Variants in ANKS1B observed in about 807,000 individuals in gnomAD.
The protein encoded by ANKS1B is ankyrin repeat and sterile alpha motif domain-containing protein 1B.
ANKS1B carries 36 observed loss-of-function variants against 148.3 expected under a neutral mutation model. That is an observed-to-expected ratio of 0.24 (90% CI 0.19 to 0.32). ANKS1B has a LOEUF of 0.32. Ranked by LOEUF, ANKS1B falls within the 10% of genes least tolerant of loss-of-function variation. The pLI, the probability that ANKS1B is intolerant of heterozygous loss-of-function variation, is 1.00. For synonymous variants in ANKS1B, 542 were observed against 560.8 expected (o/e 0.97, Z 0.47); for missense variants, 1,157 against 1,542.6 (o/e 0.75, Z 4.19).
At chr12:99,035,623 T>C (rs1379554762) in intron 17 of ANKS1B, among the ~76,000 whole-genome samples, 3 of 152,112 alleles carry the variant, frequency 2.0e-5, no homozygotes, top group East Asian at 3.9e-4. Context: ...TGAATGTGAA[T>C]TGATTTTTCA....
intron 1 of ANKS1B, among the ~76,000 whole-genome samples, chr12:99,881,279 T>C (rs1423509684): frequency 6.6e-6 from 1 of 152,212 alleles, no homozygotes; most frequent in Non-Finnish European, 1.5e-5. Flanking sequence ...TCATTATTAC[T>C]TATGTTTTCT....
chr12:99,036,136 A>AGCG (rs200241353), intron 17 of ANKS1B, among the ~76,000 whole-genome samples: 2,177 of 152,282 alleles, frequency 0.014, 46 homozygotes, highest in African/African-American at 0.05. Context: ...CAGGAGATAC[A>AGCG]TGAGCGACTG....
chr12:99,070,547 C>T lies in ANKS1B; in HGVS notation c.2625+14378G>A, dbSNP rs768721901. Among the ~76,000 whole-genome samples, 20 of 152,188 alleles carry T rather than the reference C, an allele frequency of 1.3e-4. No individual in the cohort carries two copies. The South Asian group carries it at 2.3e-3, about 17-fold the overall frequency. ...TGTAATAACCAGAGGATGGTTATTA[C>T]GAATGAGAAAAAATAGCATCTCTAT... On this transcript the variant is annotated intron_variant, in intron 16 of 26. Transcript: ENST00000683438.
chr12:99,480,188 G>T (rs952570910), intron 10 of ANKS1B, among the ~76,000 whole-genome samples: 1 of 151,538 alleles, frequency 6.6e-6, no homozygotes, highest in Admixed American at 6.6e-5. Context: ...TAATTATATT[G>T]ATTTGTTTTA....
At chr12:99,944,409 C>T (rs570622905) in intron 1 of ANKS1B, among the ~76,000 whole-genome samples, 3 of 152,200 alleles carry the variant, frequency 2.0e-5, no homozygotes, top group Non-Finnish European at 4.4e-5. Flanking sequence ...CCGTCAGATG[C>T]TGCTCCTCAG....
intron 17 of ANKS1B, among the ~76,000 whole-genome samples, chr12:98,980,442 G>A (rs2099908005): frequency 6.6e-6 from 1 of 152,288 alleles, no homozygotes; most frequent in East Asian, 1.9e-4. Context: ...TCCTGACCTC[G>A]TGATCTGCCC....
At chr12:99,421,420 C>T (rs138000468) in intron 11 of ANKS1B, among the ~76,000 whole-genome samples, 12 of 152,194 alleles carry the variant, frequency 7.9e-5, no homozygotes, top group African/African-American at 2.2e-4. Flanking sequence ...CTTCCGGGGG[C>T]GTCTCTGATG....
chr12:99,483,822 A>G (rs2096449772), intron 10 of ANKS1B, among the ~76,000 whole-genome samples: 1 of 151,830 alleles, frequency 6.6e-6, no homozygotes. Flanking sequence ...GATCTTTTGT[A>G]TTTTTGTGGT....
chr12:99,468,753 C>T (rs1448459965), intron 10 of ANKS1B, among the ~76,000 whole-genome samples: 9 of 152,114 alleles, frequency 5.9e-5, no homozygotes, highest in Non-Finnish European at 1.2e-4. Flanking sequence ...CCATCTCACA[C>T]CAGTTAGAAT....
chr12:99,593,633 AAAG>A (rs1194541901), intron 9 of ANKS1B, among the ~76,000 whole-genome samples: 2 of 152,162 alleles, frequency 1.3e-5, no homozygotes, highest in Non-Finnish European at 2.9e-5. Flanking sequence ...TCGAAGCGAT[AAAG>A]AAGGAATTAT....
At chr12:99,648,685 T>C in intron 9 of ANKS1B, 1 of 1,614,168 alleles carries the variant, frequency 6.2e-7, no homozygotes, top group Non-Finnish European at 8.5e-7. Flanking sequence ...AAACCTTGTT[T>C]ACATCCTGAG....
intron 12 of ANKS1B, among the ~76,000 whole-genome samples, chr12:99,397,631 T>C (rs2094289328): frequency 6.6e-6 from 1 of 152,198 alleles, no homozygotes; most frequent in Non-Finnish European, 1.5e-5. Context: ...TTTGTCATTA[T>C]GGGCTGTTAT....
At chr12:99,414,580 A>T (rs2094831839) in intron 11 of ANKS1B, among the ~76,000 whole-genome samples, 1 of 152,190 alleles carries the variant, frequency 6.6e-6, no homozygotes, top group South Asian at 2.1e-4. Context: ...CTAACACAGG[A>T]ACAGAAAACC....
chr12:99,807,526 A>G (rs1326113933), intron 3 of ANKS1B, among the ~76,000 whole-genome samples: 1 of 152,152 alleles, frequency 6.6e-6, no homozygotes, highest in African/African-American at 2.4e-5. Flanking sequence ...AATGAACAAG[A>G]AATTTTAGTA....
intron 16 of ANKS1B, among the ~76,000 whole-genome samples, chr12:99,079,166 A>C (rs1010685058): frequency 1.3e-5 from 2 of 152,160 alleles, no homozygotes; most frequent in African/African-American, 4.8e-5. Context: ...GAGACAGAGG[A>C]CCCAATCAAC....
intron 3 of ANKS1B, among the ~76,000 whole-genome samples, chr12:99,808,859 G>A (rs977648395): frequency 9.9e-5 from 15 of 152,064 alleles, no homozygotes; most frequent in African/African-American, 3.4e-4. Context: ...GAAATTACAA[G>A]AGCAAAATCG....
chr12:99,682,799 C>T lies in ANKS1B; in HGVS notation c.1129-27589G>A, dbSNP rs534896401. ...TATTGAAACAACAACAACAAAAATA[C>T]AAAAGATAAATGACATGAAAAGCTG... is the stretch of plus-strand genomic sequence containing the variant. On this transcript the variant is annotated intron_variant, in intron 8 of 26. Coordinates refer to ENST00000683438, the MANE Select transcript of ANKS1B (RefSeq NM_001352186.2). 8.6e-5 allele frequency among the ~76,000 whole-genome samples: 13 copies of T among 151,936 alleles called. No individual in the cohort carries two copies. In the South Asian group the frequency reaches 2.7e-3, roughly 32 times the overall value.
At chr12:99,615,564 C>A (rs1345104675) in intron 9 of ANKS1B, among the ~76,000 whole-genome samples, 4 of 152,062 alleles carry the variant, frequency 2.6e-5, no homozygotes, top group Non-Finnish European at 1.5e-5. Flanking sequence ...TCAATAGATG[C>A]AGAAAAGGAC....
intron 25 of ANKS1B, among the ~76,000 whole-genome samples, chr12:98,768,801 C>T (rs1441596644): frequency 2.0e-5 from 3 of 152,124 alleles, no homozygotes; most frequent in East Asian, 1.9e-4. Flanking sequence ...ACTCCACCCC[C>T]GCCTCACATC....
Sources: gnomAD v4.1 joint callset for allele counts (sites outside exome capture counted in the v4.1 genomes callset) on GRCh38, gnomAD v4.1.1 for gene constraint, MANE v1.5 for transcripts, NCBI Gene and HGNC (gene_info 2026-07-23, HGNC 2026-07-21) for gene names.